Variants in ZSCAN31 observed in about 807,000 individuals in gnomAD.
ZSCAN31 encodes the protein zinc finger and SCAN domain containing 31.
ZSCAN31 carries 14 observed loss-of-function variants against 22.5 expected under a neutral mutation model. That is an observed-to-expected ratio of 0.62 (90% CI 0.41 to 0.97). ZSCAN31 has a LOEUF of 0.97. Ranked by LOEUF, ZSCAN31 falls within the 50% of genes least tolerant of loss-of-function variation. The pLI, the probability that ZSCAN31 is intolerant of heterozygous loss-of-function variation, is 0.00. For synonymous variants in ZSCAN31, 168 were observed against 169.8 expected, an observed-to-expected ratio of 0.99 and a Z score of 0.08; for missense variants, 424 against 483.4, an observed-to-expected ratio of 0.88 and a Z score of 1.15.
At chr6:28,353,901 G>A in exon 2 of ZSCAN31, 1 of 456,156 alleles carries the variant, frequency 2.2e-6, no homozygotes, top group Non-Finnish European at 4.4e-6. Flanking sequence ...CCATACTGAG[G>A]TCCGAGGGGA....
intron 2 of ZSCAN31, among the ~76,000 whole-genome samples, chr6:28,352,496 G>A (rs1262511276): frequency 6.6e-6 from 1 of 152,104 alleles, no homozygotes; most frequent in East Asian, 1.9e-4. Flanking sequence ...CAGGAAATCT[G>A]CCTCAGCCTC....
chr6:28,339,910 CCAGGCCAGGGCA>C (rs1248013779), upstream of ZSCAN31, among the ~76,000 whole-genome samples: 32 of 147,518 alleles, frequency 2.2e-4, no homozygotes, highest in Non-Finnish European at 3.6e-4. Flanking sequence ...AGGTATCATT[CCAGGCCAGGGCA>C]TTTGAAGAAA....
intron 1 of ZSCAN31, chr6:28,335,694 T>G (rs1027812851): frequency 1.3e-5 from 2 of 152,252 alleles, no homozygotes; most frequent in Admixed American, 1.3e-4. Flanking sequence ...GCCCGCAGAC[T>G]AAGCGCATTC....
In ZSCAN31 at chr6:28,326,010, C is replaced by A. The variant is rs1581655729; in HGVS notation, c.*156G>T. On this transcript the variant is annotated 3_prime_UTR_variant, in exon 4 of 4. Coordinates refer to ENST00000344279, the MANE Select transcript of ZSCAN31 (RefSeq NM_030899.5). ...CAATACAAAATAAATTTTATAAGAACAGAATAAGCCACTTGAAAATCTTAC... is the reference window on the plus strand; with the variant it reads ...CAATACAAAATAAATTTTATAAGAAAAGAATAAGCCACTTGAAAATCTTAC... 12 of 700,518 alleles carry A rather than the reference C, an allele frequency of 1.7e-5. No homozygotes were observed. In the East Asian group the frequency reaches 3.0e-4, roughly 17 times the overall value. The allele number at this position is 700,518 out of a possible 1,614,324, so 43.4% of individuals were successfully genotyped here.
chr6:28,351,762 T>C lies in ZSCAN31; in HGVS notation c.-371+2100A>G, dbSNP rs901130302. Among the ~76,000 whole-genome samples, 1 of 151,964 alleles carries C rather than the reference T, an allele frequency of 6.6e-6. No individual in the cohort carries two copies. Among genetic ancestry groups the C allele is most frequent in the African/African-American group, 2.4e-5 (1 of 41,338 alleles). On this transcript the variant is annotated intron_variant, in intron 2 of 7. Transcript: ENST00000396838. The surrounding 1 kb of genome is among the most constrained non-coding windows in gnomAD (Gnocchi z 4.6). ...TCTCCCCCTCTTTATCTCTTTTTTT[T>C]CCTCATTTCGTCCCTCTCTTCTCTT...
intron 2 of ZSCAN31, among the ~76,000 whole-genome samples, chr6:28,346,018 A>G (rs754039685): frequency 1.8e-4 from 27 of 152,230 alleles, no homozygotes; most frequent in Non-Finnish European, 3.5e-4. Context: ...AGAGACCCAC[A>G]TAGGGAAAGA....
rs1206706313 is a variant in ZSCAN31 at position 28,329,669 on chromosome 6, C to T, written c.15G>A (p.Glu5=). 24 of 1,612,314 alleles carry T rather than the reference C, an allele frequency of 1.5e-5. No individual in the cohort carries two copies. The highest frequency in any genetic ancestry group is 4.0e-5 in the African/African-American group (3 of 74,790). The change falls in exon 2 of 4, where the codon GAG becomes GAA. Residue 5 remains glutamate (E), a synonymous_variant. Transcript: ENST00000344279. MAST[E]EQYDLKIVKV... is the part of the protein sequence containing the mutation. ...TCACAATCTTAAGATCGTACTGTTC[C>T]TCTGTTGAAGCCATTCCTGGGGTTA...
At chr6:28,339,507 CA>C (rs1480066960), upstream of ZSCAN31, among the ~76,000 whole-genome samples, 1 of 151,776 alleles carries the variant, frequency 6.6e-6, no homozygotes, top group Admixed American at 6.6e-5. Context: ...AGGCTGGTCT[CA>C]AACTCCTGAC....
At position 28,325,967 on chromosome 6, in the gene ZSCAN31, T is replaced by C; in HGVS notation, c.*199A>G. 5.7e-6 allele frequency: 3 copies of C among 525,114 alleles called. No homozygotes were observed. Among genetic ancestry groups the C allele is most frequent in the East Asian group, 3.0e-5 (1 of 33,414 alleles). 32.5% of individuals were successfully genotyped at this position (525,114 alleles called of 1,614,324 possible). A position where few individuals can be genotyped will look rare whatever the true frequency, so the allele number is the denominator to read the frequency against. ...ACAGGAGACACCAACACCTGGTTTG[T>C]AGACAAGTGGTTCAATGCAATACAA... is the stretch of plus-strand genomic sequence containing the variant. On this transcript the variant is annotated 3_prime_UTR_variant, in exon 4 of 4. Transcript: ENST00000344279.
chr6:28,353,883 G>T (rs189664791), exon 2 of ZSCAN31: 1 of 456,412 alleles, frequency 2.2e-6, no homozygotes, highest in Non-Finnish European at 4.4e-6. Context: ...CAAGTGTCAG[G>T]TTCCAGCCCA....
At chr6:28,350,605 T>C (rs966596338) in intron 2 of ZSCAN31, among the ~76,000 whole-genome samples, 3 of 152,210 alleles carry the variant, frequency 2.0e-5, no homozygotes, top group Admixed American at 1.3e-4. Flanking sequence ...TGCATTCGTA[T>C]GGGTAAGGTG....
chr6:28,350,774 G>GA (rs564864902), intron 2 of ZSCAN31, among the ~76,000 whole-genome samples: 149 of 152,146 alleles, frequency 9.8e-4, no homozygotes, highest in Admixed American at 2.5e-3. Flanking sequence ...TTTTAGGAGG[G>GA]AAAAATAAGA....
At chr6:28,343,087 G>A (rs1432770118) in intron 2 of ZSCAN31, among the ~76,000 whole-genome samples, 1 of 152,160 alleles carries the variant, frequency 6.6e-6, no homozygotes, top group Non-Finnish European at 1.5e-5. Flanking sequence ...AAGAAATAAA[G>A]TTCTGGCCCA....
chr6:28,342,633 T>C (rs1764458518), intron 2 of ZSCAN31, among the ~76,000 whole-genome samples: 1 of 152,098 alleles, frequency 6.6e-6, no homozygotes, highest in Admixed American at 6.5e-5. Context: ...AAAGAGTGTA[T>C]CAAGATAGAG....
intron 1 of ZSCAN31, among the ~76,000 whole-genome samples, chr6:28,332,596 T>G (rs1316577257): frequency 6.6e-6 from 1 of 152,234 alleles, no homozygotes; most frequent in African/African-American, 2.4e-5. Context: ...TAAATATCAA[T>G]GAGCAGGTAT....
intron 1 of ZSCAN31, 47 bp from the exon 2 acceptor site, chr6:28,329,825 T>C (rs1361687141): frequency 8.8e-7 from 1 of 1,136,658 alleles, no homozygotes; most frequent in East Asian, 2.5e-5. Flanking sequence ...CATAAAGTAG[T>C]GGGGAAAAAA....
intron 2 of ZSCAN31, among the ~76,000 whole-genome samples, chr6:28,328,394 C>A (rs976339106): frequency 6.6e-6 from 1 of 152,138 alleles, no homozygotes; most frequent in Non-Finnish European, 1.5e-5. Context: ...AGAGACCTAC[C>A]CCCAGGCGCA....
intron 2 of ZSCAN31, among the ~76,000 whole-genome samples, chr6:28,352,151 C>T (rs1437387670): frequency 6.6e-6 from 1 of 152,090 alleles, no homozygotes; most frequent in East Asian, 1.9e-4. Context: ...GGAACTTGAA[C>T]CTTCTGTTTT....
chr6:28,346,418 C>T (rs576361440), intron 2 of ZSCAN31, among the ~76,000 whole-genome samples: 10 of 138,896 alleles, frequency 7.2e-5, no homozygotes, highest in Non-Finnish European at 1.1e-4. Context: ...TGTGCAATGG[C>T]GTGATCTCAG....
Sources: allele counts gnomAD v4.1 joint callset (sites outside exome capture counted in the v4.1 genomes callset), GRCh38; gene constraint gnomAD v4.1.1; non-coding constraint Gnocchi (gnomAD v3.1); transcripts MANE v1.5; gene names NCBI Gene and HGNC (gene_info 2026-07-23, HGNC 2026-07-21).